Variants in DSCAM observed in about 807,000 individuals in gnomAD.
DSCAM encodes DS cell adhesion molecule.
Under a neutral mutation model 217.7 loss-of-function variants are expected in DSCAM, and 47 were observed. That is an observed-to-expected ratio of 0.22 (90% confidence interval 0.17 to 0.28). The LOEUF (loss-of-function observed/expected upper bound fraction) is 0.28. Ranked by LOEUF, DSCAM falls within the 10% of genes least tolerant of loss-of-function variation. The probability of loss-of-function intolerance (pLI) is 1.00; values close to 1 mark genes in which losing one functional copy is unlikely to be tolerated. For missense variants in DSCAM, 2,080 were observed against 2,618.3 expected, an observed-to-expected ratio of 0.79 and a Z score of 4.49; for synonymous variants, 1,056 against 1,015.3, an observed-to-expected ratio of 1.04 and a Z score of -0.76.
chr21:40,476,400 A>C (rs953783056), intron 3 of DSCAM, among the ~76,000 whole-genome samples: 6 of 152,208 alleles, frequency 3.9e-5, no homozygotes, highest in African/African-American at 1.2e-4. Flanking sequence ...ATTTTTAGAT[A>C]ACATTAATAT....
intron 3 of DSCAM, among the ~76,000 whole-genome samples, chr21:40,401,244 A>G (rs773949839): frequency 2.8e-4 from 43 of 152,200 alleles, no homozygotes; most frequent in Non-Finnish European, 5.7e-4. Context: ...CAGCTCAACC[A>G]CTCAAATGCT....
intron 24 of DSCAM, 150 bp downstream of exon 24, chr21:40,083,758 C>A (rs903190483): frequency 6.3e-6 from 3 of 478,240 alleles, no homozygotes; most frequent in Non-Finnish European, 1.1e-5. Flanking sequence ...TGTATGGTTT[C>A]TTTCTTAGGT....
chr21:40,039,031 G>A (rs543326251), intron 32 of DSCAM, among the ~76,000 whole-genome samples: 8 of 118,118 alleles, frequency 6.8e-5, no homozygotes, highest in African/African-American at 9.5e-5. Flanking sequence ...GTGGGGGGAG[G>A]GGGGAGGGAT....
rs1195376840 is a variant in DSCAM, at chr21:40,011,761, G to C, written c.*1273C>G. 1.3e-5 allele frequency: 2 copies of C among 152,164 alleles called. No individual in the cohort carries two copies. Among genetic ancestry groups the C allele is most frequent in the African/African-American group, 4.8e-5 (2 of 41,420 alleles). The allele number at this position is 152,164 out of a possible 1,614,324, so 9.4% of individuals were successfully genotyped here. A position where few individuals can be genotyped will look rare whatever the true frequency, so the allele number is the denominator to read the frequency against. On this transcript the variant is annotated 3_prime_UTR_variant, in exon 33 of 33. Transcript: ENST00000400454. ...TTTTAGAGGAACATCACTTTCCTCTGGTTACAGAGGATTCAGGCAATGTTT... is the reference window on the plus strand; with the variant it reads ...TTTTAGAGGAACATCACTTTCCTCTCGTTACAGAGGATTCAGGCAATGTTT...
chr21:40,055,667 T>C, intron 29 of DSCAM, 58 bp downstream of exon 29: 1 of 1,332,444 alleles, frequency 7.5e-7, no homozygotes, highest in Admixed American at 1.7e-5. Flanking sequence ...GGGGTTTGGA[T>C]TGAGAAGGCA....
At chr21:40,367,966 G>A (rs2074851775) in intron 4 of DSCAM, among the ~76,000 whole-genome samples, 1 of 152,028 alleles carries the variant, frequency 6.6e-6, no homozygotes, top group Non-Finnish European at 1.5e-5. Flanking sequence ...GTGGGATTAA[G>A]GAAAGTAAAC....
intron 3 of DSCAM, among the ~76,000 whole-genome samples, chr21:40,675,299 G>C (rs1036640367): frequency 6.6e-6 from 1 of 152,214 alleles, no homozygotes; most frequent in Non-Finnish European, 1.5e-5. Flanking sequence ...AGGTCAGCAG[G>C]CTGGAGTAGA....
intron 16 of DSCAM, among the ~76,000 whole-genome samples, chr21:40,163,464 C>G (rs750558062): frequency 3.9e-5 from 6 of 152,142 alleles, no homozygotes; most frequent in Non-Finnish European, 7.3e-5. Flanking sequence ...TTATTCAGAA[C>G]TGCTTACATT....
chr21:40,760,965 A>G (rs1174663097), intron 1 of DSCAM, among the ~76,000 whole-genome samples: 3 of 152,182 alleles, frequency 2.0e-5, no homozygotes, highest in Non-Finnish European at 4.4e-5. Flanking sequence ...ACTTACTTAT[A>G]ATCACAACAT....
At chr21:40,651,731 G>T (rs2090016853) in intron 3 of DSCAM, among the ~76,000 whole-genome samples, 1 of 152,162 alleles carries the variant, frequency 6.6e-6, no homozygotes, top group Admixed American at 6.5e-5. Context: ...TTGACTGATT[G>T]CTCAAGAAAT....
intron 1 of DSCAM, among the ~76,000 whole-genome samples, chr21:40,796,103 A>G (rs916658075): frequency 1.3e-5 from 2 of 152,342 alleles, no homozygotes; most frequent in African/African-American, 4.8e-5. Context: ...CTAAGTCACA[A>G]TGGAAAAGTG....
chr21:40,161,142 G>A (rs2146759489), intron 16 of DSCAM, among the ~76,000 whole-genome samples: 1 of 152,226 alleles, frequency 6.6e-6, no homozygotes, highest in African/African-American at 2.4e-5. Flanking sequence ...GGAAACCAAG[G>A]GAACTGCCTG....
intron 4 of DSCAM, among the ~76,000 whole-genome samples, chr21:40,364,507 A>T (rs1347623632): frequency 7.8e-6 from 1 of 127,874 alleles, no homozygotes; most frequent in Non-Finnish European, 1.6e-5. Flanking sequence ...GAAGGGGAAC[A>T]TCACACACCG....
At chr21:40,399,667 TG>T (rs1207671560) in intron 3 of DSCAM, among the ~76,000 whole-genome samples, 1 of 152,238 alleles carries the variant, frequency 6.6e-6, no homozygotes, top group East Asian at 1.9e-4. Flanking sequence ...CCTAGCAATG[TG>T]CTCAGCAAAA....
At chr21:40,306,126 G>A (rs1243039157) in intron 9 of DSCAM, among the ~76,000 whole-genome samples, 103 of 151,322 alleles carry the variant, frequency 6.8e-4, no homozygotes, top group Non-Finnish European at 3.7e-4. Flanking sequence ...ATTGAGCAGC[G>A]GTTTGTAGTT....
intron 9 of DSCAM, among the ~76,000 whole-genome samples, chr21:40,305,686 T>C (rs1354428956): frequency 1.3e-5 from 2 of 151,142 alleles, no homozygotes; most frequent in Admixed American, 1.3e-4. Flanking sequence ...CAGCACCATT[T>C]ATTAAATAGG....
At chr21:40,399,163 G>C (rs940717055) in intron 3 of DSCAM, among the ~76,000 whole-genome samples, 1 of 152,140 alleles carries the variant, frequency 6.6e-6, no homozygotes, top group Non-Finnish European at 1.5e-5. Flanking sequence ...TCAGCTACTT[G>C]GGAGGCTGAG....
chr21:40,438,477 T>A (rs774483855), intron 3 of DSCAM, among the ~76,000 whole-genome samples: 2 of 152,086 alleles, frequency 1.3e-5, no homozygotes, highest in Non-Finnish European at 2.9e-5. Flanking sequence ...ATAAAGCAAA[T>A]GAACATTATA....
intron 3 of DSCAM, among the ~76,000 whole-genome samples, chr21:40,670,152 G>A (rs750559056): frequency 2.0e-5 from 3 of 152,094 alleles, no homozygotes; most frequent in South Asian, 2.1e-4. Context: ...GGTGCAATAC[G>A]TTTTTTAAGT....
Sources: allele counts gnomAD v4.1 joint callset (sites outside exome capture counted in the v4.1 genomes callset), GRCh38; gene constraint gnomAD v4.1.1; transcripts MANE v1.5; gene names NCBI Gene and HGNC (gene_info 2026-07-23, HGNC 2026-07-21).